Variants in SP100 observed in about 807,000 individuals in gnomAD.
The protein encoded by SP100 is SP100 nuclear body protein.
SP100 carries 84 observed loss-of-function variants against 130.0 expected under a neutral mutation model. The observed-to-expected ratio is 0.65, with a 90% CI of 0.54 to 0.77. The LOEUF (loss-of-function observed/expected upper bound fraction) is 0.77. Ranked by LOEUF, SP100 falls within the 30% of genes least tolerant of loss-of-function variation. The pLI is 0.00. For synonymous variants in SP100, 331 were observed against 351.7 expected (o/e 0.94, Z 0.66); for missense variants, 978 against 1,052.2 (o/e 0.93, Z 0.97).
chr2:230,515,892 G>A, intron 24 of SP100: 1 of 1,219,568 alleles, frequency 8.2e-7, no homozygotes, highest in East Asian at 3.8e-5. Context: ...ATTTAAAGCA[G>A]GTTCTTGTTA....
rs1274197011 is a variant in SP100 at position 230,506,459 on chromosome 2, A to G, written c.2013+14A>G. The G allele has an allele frequency of 6.2e-7, 1 of 1,612,588 alleles. No individual in the cohort carries two copies. The highest frequency in any genetic ancestry group is 8.5e-7 in the Non-Finnish European group (1 of 1,178,896). On this transcript the variant is annotated intron_variant, in intron 22 of 28. Coordinates refer to ENST00000340126, the MANE Select transcript of SP100 (RefSeq NM_001080391.2). ...GTCCTGATGGAGGTATTCTAGTGAC[A>G]GATGGCTGAAACCAAGGATTTAGCT...
chr2:230,443,247 C>T (rs1402831783), intron 3 of SP100, 148 bp downstream of exon 3: 10 of 711,336 alleles, frequency 1.4e-5, no homozygotes, highest in Non-Finnish European at 2.1e-5. Flanking sequence ...TCTGTAAGTG[C>T]TCCTGTAAAG....
At chr2:230,491,011 T>C (rs756851190) in intron 17 of SP100, among the ~76,000 whole-genome samples, 9 of 152,190 alleles carry the variant, frequency 5.9e-5, no homozygotes, top group Non-Finnish European at 1.2e-4. Context: ...TGAATTTGCA[T>C]GTTGGCCTGC....
At chr2:230,463,934 C>T (rs1483675934) in intron 10 of SP100, 133 bp from the exon 11 acceptor site, 1 of 601,628 alleles carries the variant, frequency 1.7e-6, no homozygotes, top group Non-Finnish European at 3.0e-6. Flanking sequence ...GCAAGACAAG[C>T]ATGGCCTGTG....
At chr2:230,473,582 C>A (rs528384084) in intron 16 of SP100, 142 bp downstream of exon 16, 2 of 544,092 alleles carry the variant, frequency 3.7e-6, no homozygotes, top group Non-Finnish European at 6.7e-6. Context: ...CCACAGGCCC[C>A]AAGCTTCAGA....
At chr2:230,421,913 A>G (rs1038726040) in intron 2 of SP100, among the ~76,000 whole-genome samples, 1 of 151,990 alleles carries the variant, frequency 6.6e-6, no homozygotes, top group Non-Finnish European at 1.5e-5. Context: ...TTTGCTTGTG[A>G]TATTATTTGA....
intron 17 of SP100, among the ~76,000 whole-genome samples, chr2:230,491,772 T>G (rs1381755400): frequency 2.0e-5 from 3 of 152,170 alleles, no homozygotes; most frequent in Non-Finnish European, 4.4e-5. Context: ...GAGATTTGGG[T>G]GGGGACACGG....
rs1035301445 is a variant in SP100 at position 230,520,594 on chromosome 2, G to A, written c.2094+9428G>A. The A allele has an allele frequency of 2.6e-5, 4 of 152,224 alleles. No individual in the cohort carries two copies. The East Asian group carries it at 5.8e-4, about 22-fold the overall frequency. 9.4% of individuals were successfully genotyped at this position (152,224 alleles called of 1,614,324 possible). Reference sequence around the variant, plus strand: ...TGTTCATTGCCAGTACCTGCACAAAGGTCGGAGGCCGCATATGTCGTCCAG... The same window carrying A: ...TGTTCATTGCCAGTACCTGCACAAAAGTCGGAGGCCGCATATGTCGTCCAG... On this transcript the variant is annotated intron_variant, in intron 24 of 28. Transcript: ENST00000340126.
chr2:230,510,921 C>A, intron 23 of SP100: 1 of 598,024 alleles, frequency 1.7e-6, no homozygotes, highest in South Asian at 2.0e-5. Context: ...CAGGAAATGG[C>A]ACTTGCATTG....
At chr2:230,470,631 A>G (rs2065220194) in intron 15 of SP100, 1 of 192,114 alleles carries the variant, frequency 5.2e-6, no homozygotes, top group Admixed American at 6.6e-5. Context: ...TGTCATCACA[A>G]AATTTTTAAG....
Position 230,467,143 on chromosome 2 carries a change from T to C in SP100, c.1219T>C (p.Ser407Pro). The C allele has an allele frequency of 6.2e-7, 1 of 1,613,878 alleles. No homozygotes were observed. The highest frequency in any genetic ancestry group is 8.5e-7 in the Non-Finnish European group (1 of 1,179,818). ...KRVIGQDHDF[S>P]ESSEEEAPAE... ...AGTGATAGGACAAGACCACGACTTTTCAGAATCCAGTGAGGAGGAGGCGCC... is the reference window on the plus strand; with the variant it reads ...AGTGATAGGACAAGACCACGACTTTCCAGAATCCAGTGAGGAGGAGGCGCC... Residue 407 changes from serine to proline, a missense_variant, in exon 13 of 29, where the codon TCA becomes CCA. Coordinates refer to ENST00000340126, the MANE Select transcript of SP100 (RefSeq NM_001080391.2).
chr2:230,503,638 T>C (rs1318410358), intron 20 of SP100, among the ~76,000 whole-genome samples: 1 of 152,204 alleles, frequency 6.6e-6, no homozygotes, highest in Non-Finnish European at 1.5e-5. Context: ...CCTCTCTCAA[T>C]GTGCAGTTTC....
intron 14 of SP100, chr2:230,469,780 TAAAA>T (rs372197214): frequency 3.5e-6 from 4 of 1,129,752 alleles, no homozygotes; most frequent in Non-Finnish European, 3.5e-6. Flanking sequence ...TTCCCAAAGT[TAAAA>T]AAAAAAAAGA....
intron 3 of SP100, among the ~76,000 whole-genome samples, chr2:230,443,696 A>T (rs1429945914): frequency 6.6e-6 from 1 of 152,020 alleles, no homozygotes; most frequent in Non-Finnish European, 1.5e-5. Flanking sequence ...GCCCTGTTGG[A>T]GATACAGAGC....
At position 230,446,854 on chromosome 2, in the gene SP100, G is replaced by A; in HGVS notation, c.475G>A (p.Glu159Lys). Residue 159 changes from glutamate (E) to lysine (K), a missense_variant, in exon 5 of 29, where the codon GAA (glutamate) becomes AAA (lysine). Physicochemically the swap from Glu to Lys is moderately conservative, Grantham distance 56. Transcript: ENST00000340126. The part of the protein sequence containing the change: ...HDKLPLQESE[E>K]EEREERSGLQ... ...CAAATTGCCTCTCCAAGAAAGTGAA[G>A]AAGAAGAGAGGGAGGAGAGGTCTGG... The A allele has an allele frequency of 6.2e-7, 1 of 1,612,212 alleles. No homozygotes were observed. Among genetic ancestry groups the A allele is most frequent in the Non-Finnish European group, 8.5e-7 (1 of 1,178,536 alleles).
intron 2 of SP100, among the ~76,000 whole-genome samples, chr2:230,438,173 A>G (rs993340786): frequency 1.3e-5 from 2 of 152,112 alleles, no homozygotes; most frequent in Non-Finnish European, 2.9e-5. Flanking sequence ...CAATATCGAT[A>G]TCATCAATAT....
At chr2:230,525,636 T>TG (rs1361024671) in intron 24 of SP100, among the ~76,000 whole-genome samples, 2 of 151,820 alleles carry the variant, frequency 1.3e-5, no homozygotes, top group Non-Finnish European at 2.9e-5. Flanking sequence ...GCACAAGGGG[T>TG]GGGGGGATTT....
At chr2:230,508,340 G>C (rs1437462522) in intron 23 of SP100, 1 of 235,652 alleles carries the variant, frequency 4.2e-6, no homozygotes, top group Non-Finnish European at 7.5e-6. Flanking sequence ...TTAAGAGAAA[G>C]AGTCTCACTC....
intron 15 of SP100, among the ~76,000 whole-genome samples, chr2:230,471,563 T>C (rs2149995656): frequency 6.6e-6 from 1 of 152,296 alleles, no homozygotes; most frequent in African/African-American, 2.4e-5. Flanking sequence ...TAATTATCTT[T>C]TTTTTCCTAC....
Sources: gnomAD v4.1 joint callset for allele counts (sites outside exome capture counted in the v4.1 genomes callset) on GRCh38, gnomAD v4.1.1 for gene constraint, MANE v1.5 for transcripts, NCBI Gene and HGNC (gene_info 2026-07-23, HGNC 2026-07-21) for gene names.